TMTC2: variants seen among roughly 807,000 people sequenced by gnomAD.
TMTC2 encodes the protein protein O-mannosyl-transferase TMTC2.
Under a neutral mutation model 82.4 loss-of-function variants are expected in TMTC2, and 43 were observed. The ratio of observed to expected loss-of-function variants is 0.52; its 90% CI spans 0.41 to 0.67. The LOEUF is 0.67. Ranked by LOEUF, TMTC2 falls within the 30% of genes least tolerant of loss-of-function variation. The probability of loss-of-function intolerance (pLI) is 0.00; values close to 1 mark genes in which losing one functional copy is unlikely to be tolerated. For synonymous variants in TMTC2, 408 were observed against 381.9 expected (o/e 1.07, Z -0.80); for missense variants, 919 against 1,012.4 (o/e 0.91, Z 1.25).
intron 1 of TMTC2, among the ~76,000 whole-genome samples, chr12:82,764,877 G>A (rs1344284655): frequency 1.3e-5 from 2 of 150,348 alleles, no homozygotes; most frequent in African/African-American, 2.4e-5. Context: ...TAGACAAATA[G>A]GGCAGAGGAA....
rs182638387 is a variant in TMTC2, at chr12:83,090,040, T to C, written c.2331+28209T>C. 3.7e-3 allele frequency among the ~76,000 whole-genome samples: 566 copies of C among 152,272 alleles called. 2 individuals are homozygous for C. Among genetic ancestry groups the C allele is most frequent in the Non-Finnish European group, 6.9e-3 (469 of 68,018 alleles). ...GTTCCCACATTTAACATTTTTTCTGTCTTTATTTTCACACCAAATCCTTAA... is the reference window on the plus strand; with the variant it reads ...GTTCCCACATTTAACATTTTTTCTGCCTTTATTTTCACACCAAATCCTTAA... On this transcript the variant is annotated intron_variant, in intron 11 of 11. Coordinates refer to ENST00000321196, the MANE Select transcript of TMTC2 (RefSeq NM_152588.3).
chr12:82,877,206 A>C (rs1872625354), intron 2 of TMTC2, among the ~76,000 whole-genome samples: 1 of 152,314 alleles, frequency 6.6e-6, no homozygotes, highest in African/African-American at 2.4e-5. Flanking sequence ...GTAAACTAGG[A>C]AGTGGCTGGA....
chr12:82,777,521 A>T (rs980073029), intron 1 of TMTC2, among the ~76,000 whole-genome samples: 1 of 152,124 alleles, frequency 6.6e-6, no homozygotes, highest in Non-Finnish European at 1.5e-5. Flanking sequence ...TTTACAGAGG[A>T]TTCAAAATGT....
intron 8 of TMTC2, among the ~76,000 whole-genome samples, chr12:83,010,217 G>C (rs1880394604): frequency 1.3e-5 from 2 of 152,098 alleles, no homozygotes; most frequent in Non-Finnish European, 1.5e-5. Flanking sequence ...CAGTTCAATT[G>C]TCCCATATAT....
At chr12:83,032,079 C>A (rs570752037) in intron 9 of TMTC2, among the ~76,000 whole-genome samples, 1 of 151,884 alleles carries the variant, frequency 6.6e-6, no homozygotes, top group South Asian at 2.1e-4. Flanking sequence ...CCTCAACTGT[C>A]CATGAATGTC....
chr12:83,034,895 G>C (rs561524733), intron 9 of TMTC2, among the ~76,000 whole-genome samples: 1 of 152,126 alleles, frequency 6.6e-6, no homozygotes, highest in Non-Finnish European at 1.5e-5. Flanking sequence ...TATGATTCTC[G>C]TATCAGTTCC....
At chr12:83,012,609 GA>G (rs907775069) in intron 8 of TMTC2, among the ~76,000 whole-genome samples, 3 of 152,068 alleles carry the variant, frequency 2.0e-5, no homozygotes, top group African/African-American at 7.2e-5. Flanking sequence ...ATATAGGCAT[GA>G]AAAAACACAA....
At chr12:82,955,774 T>C (rs969060675) in intron 4 of TMTC2, among the ~76,000 whole-genome samples, 17 of 152,308 alleles carry the variant, frequency 1.1e-4, no homozygotes, top group African/African-American at 3.4e-4. Flanking sequence ...ACTGTCTGCT[T>C]AATTTCATTG....
At chr12:82,791,570 A>G (rs1245402506) in intron 1 of TMTC2, among the ~76,000 whole-genome samples, 1 of 152,136 alleles carries the variant, frequency 6.6e-6, no homozygotes, top group Non-Finnish European at 1.5e-5. Flanking sequence ...CCACTGCAAG[A>G]TAACTTTTCC....
At chr12:82,953,975 A>G (rs1005068866) in intron 4 of TMTC2, among the ~76,000 whole-genome samples, 11 of 152,296 alleles carry the variant, frequency 7.2e-5, no homozygotes, top group Non-Finnish European at 1.5e-4. Context: ...TATTTTGTGA[A>G]TCATTGCCTA....
intron 1 of TMTC2, among the ~76,000 whole-genome samples, chr12:82,830,159 T>G (rs1869670310): frequency 6.6e-6 from 1 of 152,186 alleles, no homozygotes; most frequent in Non-Finnish European, 1.5e-5. Flanking sequence ...GGGAATTTGT[T>G]TGGATTTTAA....
intron 1 of TMTC2, among the ~76,000 whole-genome samples, chr12:82,713,650 C>A (rs1873752831): frequency 1.3e-5 from 2 of 152,102 alleles, no homozygotes; most frequent in Non-Finnish European, 2.9e-5. Flanking sequence ...AGACCTGTGC[C>A]CATGATTCAG....
At chr12:82,906,970 AATAG>A (rs1175098392) in intron 3 of TMTC2, among the ~76,000 whole-genome samples, 2 of 152,228 alleles carry the variant, frequency 1.3e-5, no homozygotes, top group African/African-American at 2.4e-5. Flanking sequence ...AGTAGAAAAA[AATAG>A]ATAAACAACA....
At chr12:83,050,595 T>C (rs1470258379) in intron 9 of TMTC2, among the ~76,000 whole-genome samples, 1 of 152,138 alleles carries the variant, frequency 6.6e-6, no homozygotes, top group Non-Finnish European at 1.5e-5. Context: ...AGCTAATTAA[T>C]GTAATAACAA....
chr12:82,902,452 T>C (rs927694555), intron 3 of TMTC2, among the ~76,000 whole-genome samples: 5 of 152,246 alleles, frequency 3.3e-5, no homozygotes, highest in African/African-American at 7.2e-5. Flanking sequence ...GTTGGCCCTG[T>C]GACCCCAGTT....
chr12:82,918,624 G>A lies in TMTC2; in HGVS notation c.1484-11807G>A, dbSNP rs528291527. 2.6e-5 allele frequency among the ~76,000 whole-genome samples: 4 copies of A among 152,286 alleles called. No individual in the cohort carries two copies. In the East Asian group the frequency reaches 7.7e-4, roughly 29 times the overall value. ...TGCTGAGATGATAACCCAAAGAGGA[G>A]TGATTACTTATGCAGACCTGAATGT... On this transcript the variant is annotated intron_variant, in intron 3 of 11. Coordinates refer to ENST00000321196, the MANE Select transcript of TMTC2 (RefSeq NM_152588.3).
In TMTC2 at chr12:82,941,742, A is replaced by AT. The variant is rs551317955; in HGVS notation, c.1598+11203dup. Among the ~76,000 whole-genome samples the AT allele has an allele frequency of 3.9e-3, 595 of 152,050 alleles. 3 individuals carry two copies. Among genetic ancestry groups the AT allele is most frequent in the Admixed American group, 6.2e-3 (94 of 15,262 alleles). On this transcript the variant is annotated intron_variant, in intron 4 of 11. Transcript: ENST00000321196. ...GTATACCTACTGATGTGGGATAATG[A>AT]TTTTTTGTTGTTGTTTTTGTTTTGT...
intron 1 of TMTC2, among the ~76,000 whole-genome samples, chr12:82,737,580 T>TA (rs200562718): frequency 0.017 from 2,545 of 152,306 alleles, 71 homozygotes; most frequent in African/African-American, 0.057. Context: ...TAGATGCCAG[T>TA]ATAAGCAACA....
rs1022332496 is a variant in TMTC2, at chr12:82,846,344, C to A, written c.84-10666C>A. Among the ~76,000 whole-genome samples the A allele has an allele frequency of 2.0e-5, 3 of 151,894 alleles. No homozygotes were observed. In the East Asian group the frequency reaches 5.8e-4, roughly 29 times the overall value. ...CTGCACTCCAGCCTGGGCAACAGAA[C>A]GAGACTCTGTCTTTTTTTTAAAAAA... is the stretch of plus-strand genomic sequence containing the variant. On this transcript the variant is annotated intron_variant, in intron 1 of 11. Coordinates refer to ENST00000321196, the MANE Select transcript of TMTC2 (RefSeq NM_152588.3).
Sources: gnomAD v4.1 joint callset for allele counts (sites outside exome capture counted in the v4.1 genomes callset) on GRCh38, gnomAD v4.1.1 for gene constraint, MANE v1.5 for transcripts, NCBI Gene and HGNC (gene_info 2026-07-23, HGNC 2026-07-21) for gene names.